HS3ST6: variants seen among roughly 807,000 people sequenced by gnomAD.
HS3ST6 encodes heparan sulfate-glucosamine 3-sulfotransferase 6.
A neutral mutation model predicts 11.0 loss-of-function variants in HS3ST6; 13 were observed. That is an observed-to-expected ratio of 1.18 (90% CI 0.77 to 1.88). The LOEUF (loss-of-function observed/expected upper bound fraction) is 1.88. HS3ST6 is among the 40% of genes most tolerant of loss of function. The probability of loss-of-function intolerance (pLI) is 0.00; values close to 1 mark genes in which losing one functional copy is unlikely to be tolerated. For synonymous variants in HS3ST6, 232 were observed against 230.6 expected, an observed-to-expected ratio of 1.01 and a Z score of -0.06; for missense variants, 541 against 494.4, an observed-to-expected ratio of 1.09 and a Z score of -0.89.
In HS3ST6 at chr16:1,915,098, T is replaced by C. The variant is rs1159343816; in HGVS notation, c.413+2813A>G. Among the ~76,000 whole-genome samples the C allele has an allele frequency of 7.2e-5, 11 of 152,270 alleles. No homozygotes were observed. In the East Asian group the frequency reaches 2.1e-3, roughly 29 times the overall value. On this transcript the variant is annotated intron_variant, in intron 1 of 1. Coordinates refer to ENST00000454677, the MANE Select transcript of HS3ST6 (RefSeq NM_001009606.4). ...GGGACTCGCAGATGCCAAAAGGGCC[T>C]GGCAGATGCCAAAGCCAGAAAGTGC...
At chr16:1,918,681 C>T (rs1427268378), upstream of HS3ST6, among the ~76,000 whole-genome samples, 1 of 151,914 alleles carries the variant, frequency 6.6e-6, no homozygotes, top group South Asian at 2.1e-4. The surrounding 1 kb of genome is among the most constrained non-coding windows in gnomAD (Gnocchi z 6.0). Context: ...CGGCGGTGGC[C>T]GTTCGGGACG....
At position 1,912,131 on chromosome 16, in the gene HS3ST6, G is replaced by A. The variant is rs8055325; in HGVS notation, c.488C>T (p.Ala163Val). Residue 163 changes from alanine (A) to valine (V), a missense_variant, in exon 2 of 2, where the codon GCC becomes GTC. Coordinates refer to ENST00000454677, the MANE Select transcript of HS3ST6 (RefSeq NM_001009606.4). This position sits in a 1 kb window ranked among gnomAD's most constrained non-coding sequence, Gnocchi z 5.6. ...KTPSYFVTRE[A>V]PRRIHAMSPD... ...GGACATGGCGTGGATGCGGCGGGGG[G>A]CCTCTCGCGTCACGAAGTAGCTGGG... 588,459 of 1,491,214 alleles carry A rather than the reference G, an allele frequency of 0.39. 120,342 individuals are homozygous for A. Among genetic ancestry groups the A allele is most frequent in the South Asian group, 0.64 (46,123 of 71,602 alleles). The allele number at this position is 1,491,214 out of a possible 1,614,324, so 92.4% of individuals were successfully genotyped here.
chr16:1,916,972 C>A (rs1270900764), intron 1 of HS3ST6, among the ~76,000 whole-genome samples: 2 of 152,040 alleles, frequency 1.3e-5, no homozygotes, highest in African/African-American at 4.8e-5. Flanking sequence ...TTCCCCAGCA[C>A]CCCACACTGG....
rs971604443 is a variant in HS3ST6, at chr16:1,912,362, C to T, written c.414-157G>A. Among the ~76,000 whole-genome samples, 7 of 151,530 alleles carry T rather than the reference C, an allele frequency of 4.6e-5. No homozygotes were observed. Among genetic ancestry groups the T allele is most frequent in the East Asian group, 3.9e-4 (2 of 5,088 alleles). On this transcript the variant is annotated intron_variant, in intron 1 of 1. Coordinates refer to ENST00000454677, the MANE Select transcript of HS3ST6 (RefSeq NM_001009606.4). The surrounding 1 kb of genome is among the most constrained non-coding windows in gnomAD (Gnocchi z 5.6). ...TCGGGCCCACCCCTGCTAGCGTGCGCGGCTGGGCAGCCTGGAACATGGACT... is the reference window on the plus strand; with the variant it reads ...TCGGGCCCACCCCTGCTAGCGTGCGTGGCTGGGCAGCCTGGAACATGGACT...
intron 1 of HS3ST6, among the ~76,000 whole-genome samples, chr16:1,916,244 G>T (rs1597011326): frequency 1.5e-5 from 1 of 67,484 alleles, no homozygotes; most frequent in Non-Finnish European, 3.1e-5. Context: ...CCCAGTGAGG[G>T]GTCAGCACAG....
intron 1 of HS3ST6, among the ~76,000 whole-genome samples, chr16:1,917,651 G>A (rs1315497949): frequency 6.6e-6 from 1 of 152,190 alleles, no homozygotes; most frequent in East Asian, 1.9e-4. Flanking sequence ...CAGTCCTGCT[G>A]GGTCCCTCAG....
chr16:1,919,772 G>A (rs1025028152), upstream of HS3ST6, among the ~76,000 whole-genome samples: 7 of 152,374 alleles, frequency 4.6e-5, no homozygotes, highest in African/African-American at 1.2e-4. Context: ...ACGGGGTGAA[G>A]ACCACTGACC....
rs1224448501 is a variant in HS3ST6, at chr16:1,911,878, G to A, written c.741C>T (p.Val247=). The change falls in exon 2 of 2, where the codon GTC becomes GTT. Residue 247 remains valine (V), a synonymous_variant. Transcript: ENST00000454677. ...GGTCGCTGACCAGACGCTCCCCGCT[G>A]ACGAACAGGAAGTGGGACAGGGGGA... ...RYFPLSHFLF[V]SGERLVSDPA... 5 of 1,607,222 alleles carry A rather than the reference G, an allele frequency of 3.1e-6. No homozygotes were observed. Among genetic ancestry groups the A allele is most frequent in the South Asian group, 2.2e-5 (2 of 90,346 alleles).
Position 1,911,635 on chromosome 16 carries a change from G to A in HS3ST6, c.984C>T (p.Asn328=). 4 of 1,609,276 alleles carry A rather than the reference G, an allele frequency of 2.5e-6. No individual in the cohort carries two copies. Among genetic ancestry groups the A allele is most frequent in the Non-Finnish European group, 3.4e-6 (4 of 1,178,084 alleles). Residue 328 remains asparagine, a synonymous_variant, in exon 2 of 2, where the codon AAC becomes AAT. Transcript: ENST00000454677. ...GGCCCGTCATCTGGTAGAACCTGCG[G>A]TTGAAGGGCCGGTAGAACTCCTGCA... ...RRLQEFYRPF[N]RRFYQMTGQD... is the part of the protein sequence containing the mutation.
chr16:1,916,669 G>T (rs1282916681), intron 1 of HS3ST6, among the ~76,000 whole-genome samples: 1 of 152,062 alleles, frequency 6.6e-6, no homozygotes, highest in Non-Finnish European at 1.5e-5. Flanking sequence ...TGGGGCTCAG[G>T]GGTGGCTCTG....
At position 1,917,943 on chromosome 16, in the gene HS3ST6, G is replaced by A. The variant is rs765167595; in HGVS notation, c.381C>T (p.Asp127=). The change falls in exon 1 of 2, where the codon GAC becomes GAT. Residue 127 remains aspartate, a synonymous_variant. Coordinates refer to ENST00000454677, the MANE Select transcript of HS3ST6 (RefSeq NM_001009606.4). ...AGGCGAGGCCGCGCTCGTAGCACCT[G>A]TCGAAGAAGTGGGGCTCAGAGCCCA... is the stretch of plus-strand genomic sequence containing the variant. The part of the protein sequence containing the change: ...RALGSEPHFF[D]RCYERGLAWY... The A allele has an allele frequency of 4.0e-5, 60 of 1,509,608 alleles. No individual in the cohort carries two copies. In the Admixed American group the frequency reaches 1.2e-3, roughly 30 times the overall value. The allele number at this position is 1,509,608 out of a possible 1,614,324, so 93.5% of individuals were successfully genotyped here.
At chr16:1,916,860 C>T (rs937798524) in intron 1 of HS3ST6, among the ~76,000 whole-genome samples, 2 of 151,666 alleles carry the variant, frequency 1.3e-5, no homozygotes, top group African/African-American at 4.8e-5. Context: ...CCCTGCCTGC[C>T]GTCAGGGGAG....
rs746467957 is a variant in HS3ST6, at chr16:1,912,189, T to A, written c.430A>T (p.Thr144Ser). The change falls in exon 2 of 2, where the codon ACC becomes TCC. Residue 144 changes from threonine (T) to serine (S), a missense_variant. Transcript: ENST00000454677. The surrounding 1 kb of genome is among the most constrained non-coding windows in gnomAD (Gnocchi z 5.6). ...TCCATGGTGATCTGCCCATCCAGGG[T>A]TCGGGGCATCAGACTCCTGCGGGAC... ...LAWYRSLMPR[T>S]LDGQITMEKT... 4 of 1,439,894 alleles carry A rather than the reference T, an allele frequency of 2.8e-6. No homozygotes were observed. The highest frequency in any genetic ancestry group is 3.6e-6 in the Non-Finnish European group (4 of 1,096,766). 89.2% of individuals were successfully genotyped at this position (1,439,894 alleles called of 1,614,324 possible).
upstream of HS3ST6, among the ~76,000 whole-genome samples, chr16:1,920,190 A>C (rs1473840547): frequency 2.3e-5 from 3 of 131,882 alleles, no homozygotes; most frequent in African/African-American, 8.7e-5. Context: ...CCACGGTCTC[A>C]GCAGTCCCCA....
chr16:1,915,941 T>G (rs1246279620), intron 1 of HS3ST6, among the ~76,000 whole-genome samples: 1 of 152,160 alleles, frequency 6.6e-6, no homozygotes, highest in East Asian at 1.9e-4. Context: ...GAGACTCAAC[T>G]GGGGGCCCTG....
chr16:1,919,876 C>T (rs118018874), upstream of HS3ST6, among the ~76,000 whole-genome samples: 1,273 of 152,330 alleles, frequency 8.4e-3, 15 homozygotes, highest in South Asian at 0.028. Context: ...GGGCACAATG[C>T]GAGGAGAGCA....
chr16:1,911,537 C>T lies in HS3ST6; in HGVS notation c.*53G>A. The T allele has an allele frequency of 6.7e-7, 1 of 1,496,650 alleles. No individual in the cohort carries two copies. The highest frequency in any genetic ancestry group is 8.9e-7 in the Non-Finnish European group (1 of 1,123,314). 92.7% of individuals were successfully genotyped at this position (1,496,650 alleles called of 1,614,324 possible). A position where few individuals can be genotyped will look rare whatever the true frequency, so the allele number is the denominator to read the frequency against. ...GCCCAGCATGTGCACGCAGCCCGCT[C>T]TGGCCAGGCGAGCGGGTGTCAATCA... On this transcript the variant is annotated 3_prime_UTR_variant, in exon 2 of 2. Transcript: ENST00000454677.
At position 1,918,077 on chromosome 16, in the gene HS3ST6, T is replaced by C; in HGVS notation, c.247A>G (p.Ser83Gly). Residue 83 changes from serine to glycine, a missense_variant, in exon 1 of 2, where the codon AGC (serine) becomes GGC (glycine). Transcript: ENST00000454677. This position sits in a 1 kb window ranked among gnomAD's most constrained non-coding sequence, Gnocchi z 6.0. ...GGGAAGCGCCGGCGGCCGGGACCGC[T>C]GGCCAAAGGCAGGCCGGGTGCTCCC... The part of the protein sequence containing the change: ...RPGAPGLPLA[S>G]GPGRRRFPQA... The C allele has an allele frequency of 6.6e-7, 1 of 1,503,818 alleles. No individual in the cohort carries two copies. The highest frequency in any genetic ancestry group is 2.7e-5 in the East Asian group (1 of 36,760). The allele number at this position is 1,503,818 out of a possible 1,614,324, so 93.2% of individuals were successfully genotyped here.
rs1188781827 is a variant in HS3ST6 at position 1,918,377 on chromosome 16, C to T, written c.-54G>A. 3.7e-4 allele frequency: 76 copies of T among 205,766 alleles called. 1 individual carries two copies. Among genetic ancestry groups the T allele is most frequent in the African/African-American group, 1.4e-3 (59 of 42,098 alleles). The allele number at this position is 205,766 out of a possible 1,614,324, so 12.7% of individuals were successfully genotyped here. A position where few individuals can be genotyped will look rare whatever the true frequency, so the allele number is the denominator to read the frequency against. ...GGGGGCAGCAGGCGGGCGCGCATCTCGGCCCGCGCGCCGCTCAGTCCGTGG... is the reference window on the plus strand; with the variant it reads ...GGGGGCAGCAGGCGGGCGCGCATCTTGGCCCGCGCGCCGCTCAGTCCGTGG... On this transcript the variant is annotated 5_prime_UTR_variant, in exon 1 of 2. Coordinates refer to ENST00000454677, the MANE Select transcript of HS3ST6 (RefSeq NM_001009606.4). The surrounding 1 kb of genome is among the most constrained non-coding windows in gnomAD (Gnocchi z 6.0).
Sources: allele counts gnomAD v4.1 joint callset (sites outside exome capture counted in the v4.1 genomes callset), GRCh38; gene constraint gnomAD v4.1.1; non-coding constraint Gnocchi (gnomAD v3.1); transcripts MANE v1.5; gene names NCBI Gene and HGNC (gene_info 2026-07-23, HGNC 2026-07-21).